NLRP5: variants seen among roughly 807,000 people sequenced by gnomAD.
NLRP5 encodes the protein NLR family pyrin domain containing 5, also known as NACHT, LRR and PYD domains-containing protein 5.
A neutral mutation model predicts 113.1 loss-of-function variants in NLRP5; 93 were observed. The ratio of observed to expected loss-of-function variants is 0.82; its 90% CI spans 0.70 to 0.98. The LOEUF (loss-of-function observed/expected upper bound fraction) is 0.98. Among genes scored for constraint, NLRP5 ranks in the 50% least tolerant of loss-of-function variants. The pLI is 0.00. For missense variants in NLRP5, 1,808 were observed against 1,514.3 expected (o/e 1.19, Z -3.22); for synonymous variants, 751 against 600.7 (o/e 1.25, Z -3.66).
At chr19:56,045,418 CT>C (rs545465190) in intron 11 of NLRP5, among the ~76,000 whole-genome samples, 4 of 151,804 alleles carry the variant, frequency 2.6e-5, no homozygotes, top group East Asian at 1.9e-4. Context: ...GTTTTTTTTT[CT>C]TTTTTTTATT....
At chr19:56,021,121 T>C (rs1481736003) in intron 6 of NLRP5, among the ~76,000 whole-genome samples, 4 of 152,146 alleles carry the variant, frequency 2.6e-5, no homozygotes, top group South Asian at 2.1e-4. Context: ...CTGCCCACCT[T>C]AGCCTCCCAA....
Position 56,028,373 on chromosome 19 carries a change from A to C in NLRP5, c.2140A>C (p.Ile714Leu). 1 of 1,613,956 alleles carries C rather than the reference A, an allele frequency of 6.2e-7. No homozygotes were observed. Among genetic ancestry groups the C allele is most frequent in the Non-Finnish European group, 8.5e-7 (1 of 1,179,864 alleles). Residue 714 changes from isoleucine (I) to leucine (L), a missense_variant, in exon 7 of 15, where the codon ATT becomes CTT. By Grantham distance (5) the Ile-to-Leu change is conservative (BLOSUM62 2). Coordinates refer to ENST00000390649, the MANE Select transcript of NLRP5 (RefSeq NM_153447.4). ...CAGCTTCCAAGAAGTGTGGCTTCCG[A>C]TTAACCAGAACCTGGACTTGATAGC... is the stretch of plus-strand genomic sequence containing the variant.
At chr19:56,049,414 C>T (rs745678093) in intron 11 of NLRP5, among the ~76,000 whole-genome samples, 12 of 152,240 alleles carry the variant, frequency 7.9e-5, no homozygotes, top group African/African-American at 1.4e-4. Flanking sequence ...CTTCCAACCT[C>T]GGGTGATCCA....
chr19:56,053,425 C>G (rs542164511), intron 12 of NLRP5, among the ~76,000 whole-genome samples: 1 of 152,048 alleles, frequency 6.6e-6, no homozygotes, highest in Non-Finnish European at 1.5e-5. Flanking sequence ...AATAAAGATA[C>G]CTTCAATCAC....
At chr19:56,019,956 C>T (rs1318980716) in intron 5 of NLRP5, among the ~76,000 whole-genome samples, 1 of 151,644 alleles carries the variant, frequency 6.6e-6, no homozygotes, top group Non-Finnish European at 1.5e-5. Flanking sequence ...TCTGTCTCAG[C>T]CTCCCGAGTA....
In NLRP5 at chr19:56,013,596, GT is replaced by G. The variant is rs71183002; in HGVS notation, c.509-2125del. On this transcript the variant is annotated intron_variant, in intron 3 of 14. Transcript: ENST00000390649. ...CATTTATCACATGATGGACATTTGG[GT>G]TTTTTTTTTTTTTTTTTTTTGCTAT... Among the ~76,000 whole-genome samples the G allele has an allele frequency of 1.8e-3, 105 of 59,282 alleles. 1 individual carries two copies. The highest frequency in any genetic ancestry group is 7.9e-3 in the South Asian group (13 of 1,636). 38.9% of individuals were successfully genotyped at this position (59,282 alleles called of 152,430 possible). A position where few individuals can be genotyped will look rare whatever the true frequency, so the allele number is the denominator to read the frequency against.
upstream of NLRP5, among the ~76,000 whole-genome samples, chr19:55,999,509 T>C (rs1981538801): frequency 6.6e-6 from 1 of 152,048 alleles, no homozygotes; most frequent in African/African-American, 2.4e-5. Context: ...TACCGTGACA[T>C]ACTCTTCTGC....
chr19:56,016,824 T>C (rs1008947022), intron 4 of NLRP5, among the ~76,000 whole-genome samples: 1 of 152,158 alleles, frequency 6.6e-6, no homozygotes, highest in African/African-American at 2.4e-5. Flanking sequence ...ACACCACATT[T>C]TTTTAAGGGA....
At chr19:56,013,433 C>G (rs759408703) in intron 3 of NLRP5, among the ~76,000 whole-genome samples, 10 of 151,914 alleles carry the variant, frequency 6.6e-5, no homozygotes, top group Non-Finnish European at 1.2e-4. Context: ...ACCTTGTGAT[C>G]TGCCCACCTC....
chr19:55,986,944 G>A, the NLRP5 span, among the ~76,000 whole-genome samples: 2 of 152,166 alleles, frequency 1.3e-5, no homozygotes, highest in Non-Finnish European at 2.9e-5. Context: ...TCAAAGCCCA[G>A]GACCAAAGGA....
chr19:56,031,613 A>G (rs990648551), intron 7 of NLRP5, among the ~76,000 whole-genome samples: 1 of 138,974 alleles, frequency 7.2e-6, no homozygotes, highest in Admixed American at 7.8e-5. Context: ...CCTGGGAGAT[A>G]GAGACTCCGT....
At position 56,038,107 on chromosome 19, in the gene NLRP5, A is replaced by G. The variant is rs76486604; in HGVS notation, c.2698A>G (p.Ser900Gly). ...GACCTCCCCCAGCCTGAAATCTCTG[A>G]GCCTGGCAGGAAACAAGGTGACAGA... The change falls in exon 10 of 15, where the codon AGC (serine) becomes GGC (glycine). Residue 900 changes from serine (S) to glycine (G), a missense_variant. Transcript: ENST00000390649. 1.2e-6 allele frequency: 2 copies of G among 1,613,872 alleles called. No individual in the cohort carries two copies. The highest frequency in any genetic ancestry group is 1.3e-5 in the African/African-American group (1 of 74,936).
intron 2 of NLRP5, among the ~76,000 whole-genome samples, chr19:56,007,476 G>A (rs1981970495): frequency 6.6e-6 from 1 of 151,042 alleles, no homozygotes; most frequent in South Asian, 2.1e-4. Flanking sequence ...GGAGTTGGCG[G>A]AGTTGCCTGA....
intron 4 of NLRP5, chr19:56,018,462 C>T (rs184608302): frequency 1.3e-5 from 2 of 152,264 alleles, no homozygotes; most frequent in East Asian, 3.9e-4. Flanking sequence ...CACAGCAACT[C>T]GACAACATAA....
At position 56,027,491 on chromosome 19, in the gene NLRP5, G is replaced by C; in HGVS notation, c.1258G>C (p.Glu420Gln). 1 of 1,613,954 alleles carries C rather than the reference G, an allele frequency of 6.2e-7. No individual in the cohort carries two copies. Among genetic ancestry groups the C allele is most frequent in the Middle Eastern group, 1.6e-4 (1 of 6,062 alleles). ...CGTGGGCACAGAGAAGCTCAAGTCA[G>C]AGGTCGTGTCTCCCCGTTACCTGTT... The change falls in exon 7 of 15, where the codon GAG (glutamate) becomes CAG (glutamine). Residue 420 changes from glutamate (E) to glutamine (Q), a missense_variant. Transcript: ENST00000390649.
chr19:56,043,890 CT>C (rs1016133394), intron 11 of NLRP5, among the ~76,000 whole-genome samples: 2 of 150,822 alleles, frequency 1.3e-5, no homozygotes, highest in Non-Finnish European at 3.0e-5. Flanking sequence ...GCTGACTATT[CT>C]TTTGCTGTGC....
At chr19:55,987,851 C>T in the NLRP5 span, 5 of 1,614,054 alleles carry the variant, frequency 3.1e-6, no homozygotes, top group South Asian at 5.5e-5. Flanking sequence ...TAGCTTCTCC[C>T]CAACTCCTCA....
At chr19:56,055,992 G>A (rs1281547594) in intron 13 of NLRP5, among the ~76,000 whole-genome samples, 4 of 152,140 alleles carry the variant, frequency 2.6e-5, no homozygotes, top group African/African-American at 4.8e-5. Context: ...AACAGGCAAT[G>A]GCGAGTTGCT....
intron 10 of NLRP5, among the ~76,000 whole-genome samples, chr19:56,039,492 T>G (rs1983439018): frequency 6.6e-6 from 1 of 152,160 alleles, no homozygotes. Context: ...GATCACACCC[T>G]GAGCTCTCGA....
Sources: allele counts gnomAD v4.1 joint callset (sites outside exome capture counted in the v4.1 genomes callset), GRCh38; gene constraint gnomAD v4.1.1; transcripts MANE v1.5; gene names NCBI Gene and HGNC (gene_info 2026-07-23, HGNC 2026-07-21).